SHPRH: variants seen among roughly 807,000 people sequenced by gnomAD.
The protein encoded by SHPRH is E3 ubiquitin-protein ligase SHPRH.
Under a neutral mutation model 202.5 loss-of-function variants are expected in SHPRH, and 106 were observed. The observed-to-expected ratio is 0.52, with a 90% confidence interval of 0.45 to 0.62. The LOEUF is 0.62. Ranked by LOEUF, SHPRH falls within the 20% of genes least tolerant of loss-of-function variation. The probability of loss-of-function intolerance (pLI) is 0.00; values close to 1 mark genes in which losing one functional copy is unlikely to be tolerated. For missense variants in SHPRH, 1,710 were observed against 2,020.0 expected (o/e 0.85, Z 2.94); for synonymous variants, 729 against 686.0 (o/e 1.06, Z -0.98).
intron 2 of SHPRH, among the ~76,000 whole-genome samples, chr6:145,875,379 A>G (rs554469077): frequency 1.7e-4 from 26 of 152,354 alleles, no homozygotes; most frequent in African/African-American, 5.8e-4. Flanking sequence ...CAAAATGTCA[A>G]TCACTAGTGC....
intron 8 of SHPRH, among the ~76,000 whole-genome samples, chr6:145,944,742 T>A (rs978334899): frequency 2.0e-5 from 3 of 152,156 alleles, no homozygotes; most frequent in Non-Finnish European, 4.4e-5. Context: ...GCAAATATTA[T>A]AACTATTTTC....
intron 2 of SHPRH, among the ~76,000 whole-genome samples, chr6:145,872,735 A>G (rs1286603903): frequency 1.3e-5 from 2 of 152,244 alleles, no homozygotes; most frequent in African/African-American, 4.8e-5. Context: ...AGACACATGC[A>G]CATATATGTT....
intron 11 of SHPRH, chr6:145,935,674 T>C (rs1428103044): frequency 2.2e-6 from 1 of 463,710 alleles, no homozygotes; most frequent in African/African-American, 1.9e-5. Flanking sequence ...TATGCAACCA[T>C]TCATTACATA....
chr6:145,951,782 C>G (rs1788001690), intron 3 of SHPRH: 1 of 455,824 alleles, frequency 2.2e-6, no homozygotes, highest in African/African-American at 2.0e-5. Context: ...TGAAATAATG[C>G]TGACCCACCA....
At chr6:145,873,993 G>A (rs1386638285) in intron 2 of SHPRH, among the ~76,000 whole-genome samples, 4 of 152,002 alleles carry the variant, frequency 2.6e-5, no homozygotes, top group Non-Finnish European at 5.9e-5. Flanking sequence ...GAGGTCAGGA[G>A]TTCAAGACCA....
At position 145,949,994 on chromosome 6, in the gene SHPRH, A is replaced by T. The variant is rs1424414397; in HGVS notation, c.982+270T>A. 2.0e-5 allele frequency among the ~76,000 whole-genome samples: 3 copies of T among 152,076 alleles called. No individual in the cohort carries two copies. The East Asian group carries it at 5.8e-4, about 29-fold the overall frequency. ...CTTTGTTTGAAAGGAATGTAAAAAA[A>T]ATTTCTTGGTTTTTAAAAATTCCAA... is the stretch of plus-strand genomic sequence containing the variant. On this transcript the variant is annotated intron_variant, in intron 4 of 29. Transcript: ENST00000275233.
intron 26 of SHPRH, 83 bp downstream of exon 26, chr6:145,894,802 C>A (rs987373631): frequency 4.0e-5 from 49 of 1,217,074 alleles, no homozygotes; most frequent in Non-Finnish European, 5.7e-5. Flanking sequence ...GAGTAAACAT[C>A]AAAAATTAGT....
At chr6:145,922,441 TTTCC>T in intron 19 of SHPRH, 93 bp from the exon 20 acceptor site, 1 of 1,399,736 alleles carries the variant, frequency 7.1e-7, no homozygotes, top group Non-Finnish European at 9.6e-7. Flanking sequence ...TTCATTTTTC[TTTCC>T]ACTAGATATG....
intron 25 of SHPRH, among the ~76,000 whole-genome samples, chr6:145,896,975 G>A (rs934925470): frequency 6.6e-6 from 1 of 151,756 alleles, no homozygotes; most frequent in Non-Finnish European, 1.5e-5. Context: ...AACTAATGTT[G>A]CACCACAAGG....
chr6:145,924,668 C>T (rs1256332019), intron 17 of SHPRH, 71 bp downstream of exon 17: 20 of 1,351,962 alleles, frequency 1.5e-5, no homozygotes, highest in Non-Finnish European at 1.9e-5. Context: ...AGTTTCTCCC[C>T]ACCAAAAAAC....
At chr6:145,881,490 C>T (rs1780567333), downstream of SHPRH, 1 of 152,134 alleles carries the variant, frequency 6.6e-6, no homozygotes, top group Non-Finnish European at 1.5e-5. Flanking sequence ...CCCTAAGGAC[C>T]ACACTTGGAA....
In SHPRH at chr6:145,910,063, T is replaced by A. The variant is rs539726908; in HGVS notation, c.4515+385A>T. On this transcript the variant is annotated intron_variant, in intron 25 of 29. Transcript: ENST00000275233. ...TTATCCTTCTGTTTAGTTAGACACA[T>A]CCTTTTTTCCTTACATTCAGGGATG... is the stretch of plus-strand genomic sequence containing the variant. 2.9e-4 allele frequency: 46 copies of A among 159,820 alleles called. 2 individuals carry two copies. The South Asian group carries it at 8.8e-3, about 31-fold the overall frequency. 9.9% of individuals were successfully genotyped at this position (159,820 alleles called of 1,614,324 possible).
rs1582714052 is a variant in SHPRH at position 145,926,027 on chromosome 6, T to C, written c.3294+177A>G. On this transcript the variant is annotated intron_variant, in intron 16 of 29. Transcript: ENST00000275233. ...GTAGATCAGCAGAGAAGCCAAATAA[T>C]ACGTACTGCTGCCATTCTCTGCTAC... Among the ~76,000 whole-genome samples, 10 of 151,948 alleles carry C rather than the reference T, an allele frequency of 6.6e-5. 1 individual carries two copies. The South Asian group carries it at 2.1e-3, about 31-fold the overall frequency.
Position 145,955,291 on chromosome 6 carries a change from A to G in SHPRH, c.32T>C (p.Val11Ala). The change falls in exon 2 of 30, where the codon GTG (valine) becomes GCG (alanine). Residue 11 changes from valine (V) to alanine (A), a missense_variant. By Grantham distance (64) the Val-to-Ala change is moderately conservative (BLOSUM62 0). Around this residue, in one of 8 missense-constraint regions of SHPRH, gnomAD observed 459 missense variants for 426.5 expected, o/e 1.08. Transcript: ENST00000275233. ...CTGCCTCTTTTCCTCATCTACCCTC[A>G]CTGGAGGAGCACGTTTCCGTCGGCT... The part of the protein sequence containing the change: MSSRRKRAPP[V>A]RVDEEKRQQL... 2 of 1,604,870 alleles carry G rather than the reference A, an allele frequency of 1.2e-6. No individual in the cohort carries two copies. The highest frequency in any genetic ancestry group is 1.7e-6 in the Non-Finnish European group (2 of 1,176,318).
At position 145,941,645 on chromosome 6, in the gene SHPRH, A is replaced by AT; in HGVS notation, c.2467dup (p.Met823AsnfsTer3). On this transcript the variant is annotated frameshift_variant, in exon 10 of 30. Coordinates refer to ENST00000275233, the MANE Select transcript of SHPRH (RefSeq NM_001042683.3). LOFTEE classifies it high-confidence loss of function. ...CACTTTTACTGTGGGACACTCAACC[A>AT]TCTGAGCTTCATCAAGGCAGATCCT... is the stretch of plus-strand genomic sequence containing the variant. 6.2e-7 allele frequency: 1 copy of AT among 1,613,928 alleles called. No individual in the cohort carries two copies. The highest frequency in any genetic ancestry group is 8.5e-7 in the Non-Finnish European group (1 of 1,179,900).
At chr6:145,922,002 T>G (rs1784469623) in intron 20 of SHPRH, among the ~76,000 whole-genome samples, 1 of 152,028 alleles carries the variant, frequency 6.6e-6, no homozygotes, top group African/African-American at 2.4e-5. Context: ...AAAATCTGTA[T>G]AATTCAAATC....
At chr6:145,877,933 T>C (rs1329901460) in intron 2 of SHPRH, 2 of 152,206 alleles carry the variant, frequency 1.3e-5, no homozygotes, top group Non-Finnish European at 2.9e-5. Context: ...TTAAATGTAT[T>C]TGATTGATGT....
chr6:145,901,003 T>C (rs1397365829), intron 25 of SHPRH, among the ~76,000 whole-genome samples: 1 of 152,092 alleles, frequency 6.6e-6, no homozygotes, highest in Non-Finnish European at 1.5e-5. Context: ...TGGTTAAGTA[T>C]GTGAAGTGAT....
intron 2 of SHPRH, among the ~76,000 whole-genome samples, chr6:145,867,454 A>G (rs1481832808): frequency 6.6e-6 from 1 of 151,604 alleles, no homozygotes; most frequent in Non-Finnish European, 1.5e-5. Flanking sequence ...TGGACCCTCC[A>G]TGCAGTCACA....
Sources: gnomAD v4.1 joint callset for allele counts (sites outside exome capture counted in the v4.1 genomes callset) on GRCh38, gnomAD v4.1.1 for gene constraint, gnomAD v4.1.1 regional missense constraint, MANE v1.5 for transcripts, NCBI Gene and HGNC (gene_info 2026-07-23, HGNC 2026-07-21) for gene names.